The following PLPPR1 variants were observed in gnomAD, a reference collection of about 807,000 sequenced individuals.
PLPPR1 encodes phospholipid phosphatase-related protein type 1.
In PLPPR1, 10 loss-of-function variants were observed where a neutral mutation model predicts 33.1. That is an observed-to-expected ratio of 0.30 (90% CI 0.19 to 0.51). The LOEUF is 0.51. Among genes scored for constraint, PLPPR1 ranks in the 20% least tolerant of loss-of-function variants. The pLI, the probability that PLPPR1 is intolerant of heterozygous loss-of-function variation, is 0.97. For missense variants in PLPPR1, 304 were observed against 408.1 expected, an observed-to-expected ratio of 0.74 and a Z score of 2.20; for synonymous variants, 151 against 151.0, an observed-to-expected ratio of 1.00 and a Z score of 0.00.
intron 1 of PLPPR1, among the ~76,000 whole-genome samples, chr9:101,112,300 A>G (rs1831066868): frequency 6.6e-6 from 1 of 152,216 alleles, no homozygotes; most frequent in Admixed American, 6.5e-5. Flanking sequence ...CAGGTACTCC[A>G]CATATAGAAT....
intron 4 of PLPPR1, among the ~76,000 whole-genome samples, chr9:101,299,899 A>G (rs971934417): frequency 1.3e-5 from 2 of 152,194 alleles, no homozygotes; most frequent in Non-Finnish European, 2.9e-5. Flanking sequence ...AACAAATGCC[A>G]ATAGCACTCA....
chr9:101,050,308 G>A (rs898265456), intron 1 of PLPPR1, among the ~76,000 whole-genome samples: 1 of 152,018 alleles, frequency 6.6e-6, no homozygotes, highest in Non-Finnish European at 1.5e-5. Flanking sequence ...ACAAAAAGAT[G>A]TACATGTGTT....
chr9:101,192,522 G>T (rs1688314437), intron 2 of PLPPR1, among the ~76,000 whole-genome samples: 1 of 152,110 alleles, frequency 6.6e-6, no homozygotes, highest in Admixed American at 6.6e-5. Context: ...TTCCTTATGG[G>T]AACTTCAAGG....
intron 2 of PLPPR1, among the ~76,000 whole-genome samples, chr9:101,234,588 A>G (rs1253115977): frequency 2.0e-5 from 3 of 151,848 alleles, no homozygotes; most frequent in Non-Finnish European, 4.4e-5. Context: ...CCGTAATGCT[A>G]TAAGGGCTTA....
chr9:101,115,782 T>C (rs899284530), intron 1 of PLPPR1, among the ~76,000 whole-genome samples: 1 of 152,250 alleles, frequency 6.6e-6, no homozygotes, highest in African/African-American at 2.4e-5. Flanking sequence ...CAGATTCAAC[T>C]ACACTTAGCT....
chr9:101,279,043 C>T (rs554706294), intron 3 of PLPPR1, among the ~76,000 whole-genome samples: 2 of 152,282 alleles, frequency 1.3e-5, no homozygotes, highest in Admixed American at 1.3e-4. Context: ...ATCAGTAAAA[C>T]ATGATATCAC....
At chr9:101,212,490 T>C (rs1415016987) in intron 2 of PLPPR1, among the ~76,000 whole-genome samples, 1 of 152,198 alleles carries the variant, frequency 6.6e-6, no homozygotes, top group African/African-American at 2.4e-5. Flanking sequence ...GTAACATACA[T>C]GATTCCAGAA....
At chr9:101,168,559 C>T (rs555691946) in intron 1 of PLPPR1, among the ~76,000 whole-genome samples, 2 of 152,228 alleles carry the variant, frequency 1.3e-5, no homozygotes, top group African/African-American at 4.8e-5. Context: ...ATAGATTCTG[C>T]ATTTCCATCT....
chr9:101,237,797 A>C (rs2118836850), intron 2 of PLPPR1, among the ~76,000 whole-genome samples: 1 of 128,166 alleles, frequency 7.8e-6, no homozygotes, highest in Non-Finnish European at 1.6e-5. Flanking sequence ...TTTATAGATG[A>C]GTAGTATTCC....
chr9:101,132,123 AAC>A (rs1831320876), intron 1 of PLPPR1, among the ~76,000 whole-genome samples: 1 of 152,164 alleles, frequency 6.6e-6, no homozygotes, highest in Non-Finnish European at 1.5e-5. Context: ...GTGGTTTTTA[AAC>A]ACAGATAGTT....
intron 1 of PLPPR1, among the ~76,000 whole-genome samples, chr9:101,068,468 A>C (rs191679504): frequency 6.6e-6 from 1 of 152,088 alleles, no homozygotes; most frequent in East Asian, 1.9e-4. Flanking sequence ...ATACATTTTC[A>C]ATATTTTTTT....
chr9:101,086,121 A>C (rs1041224660), intron 1 of PLPPR1, among the ~76,000 whole-genome samples: 1 of 152,172 alleles, frequency 6.6e-6, no homozygotes, highest in Non-Finnish European at 1.5e-5. Context: ...TATTGATATG[A>C]TGACTATGTT....
intron 1 of PLPPR1, among the ~76,000 whole-genome samples, chr9:101,070,624 T>C (rs979052244): frequency 1.3e-5 from 2 of 152,118 alleles, no homozygotes; most frequent in African/African-American, 4.8e-5. Flanking sequence ...CTCGAAGTGA[T>C]ACCTTCTCAA....
intron 4 of PLPPR1, among the ~76,000 whole-genome samples, chr9:101,290,959 G>A (rs111762996): frequency 1.3e-5 from 2 of 152,248 alleles, no homozygotes; most frequent in African/African-American, 4.8e-5. Context: ...AGCGCACCAA[G>A]CGCGAGCCAA....
intron 1 of PLPPR1, among the ~76,000 whole-genome samples, chr9:101,033,340 C>T (rs1054009870): frequency 3.3e-5 from 5 of 152,206 alleles, no homozygotes; most frequent in African/African-American, 1.2e-4. Context: ...AGGAGGTTAG[C>T]TCAGGAAAGT....
chr9:101,054,676 G>A (rs989280580), intron 1 of PLPPR1, among the ~76,000 whole-genome samples: 2 of 152,142 alleles, frequency 1.3e-5, no homozygotes, highest in Non-Finnish European at 2.9e-5. Context: ...CCTTTCCAAG[G>A]TGCTGGCCAC....
At chr9:101,231,139 T>G (rs1827175931) in intron 2 of PLPPR1, among the ~76,000 whole-genome samples, 1 of 152,012 alleles carries the variant, frequency 6.6e-6, no homozygotes, top group Non-Finnish European at 1.5e-5. Context: ...GGGTTTGAAC[T>G]GTCCAGCTCC....
intron 1 of PLPPR1, among the ~76,000 whole-genome samples, chr9:101,064,176 T>C (rs1830380622): frequency 6.6e-6 from 1 of 152,106 alleles, no homozygotes; most frequent in South Asian, 2.1e-4. Context: ...ATTCTTGAAT[T>C]ATTTTAAAGT....
intron 3 of PLPPR1, among the ~76,000 whole-genome samples, chr9:101,280,197 G>A (rs931472746): frequency 1.1e-4 from 17 of 152,050 alleles, no homozygotes; most frequent in African/African-American, 4.1e-4. Context: ...AGAGAAAATA[G>A]ATAAACTCTA....
Sources: allele counts gnomAD v4.1 joint callset (sites outside exome capture counted in the v4.1 genomes callset), GRCh38; gene constraint gnomAD v4.1.1; transcripts MANE v1.5; gene names NCBI Gene and HGNC (gene_info 2026-07-23, HGNC 2026-07-21).